WDSUB1: variants seen among roughly 807,000 people sequenced by gnomAD.
WDSUB1 encodes WD repeat, sterile alpha motif and U-box domain containing 1, also known as WD repeat, SAM and U-box domain-containing protein 1.
WDSUB1 carries 49 observed loss-of-function variants against 53.9 expected under a neutral mutation model. The observed-to-expected ratio is 0.91, with a 90% CI of 0.72 to 1.15. The LOEUF (loss-of-function observed/expected upper bound fraction) is 1.15. Among genes scored for constraint, WDSUB1 ranks in the 50% most tolerant of loss-of-function variants. WDSUB1 has a pLI of 0.00. For missense variants in WDSUB1, 514 were observed against 562.0 expected, an observed-to-expected ratio of 0.91 and a Z score of 0.86; for synonymous variants, 194 against 200.6, an observed-to-expected ratio of 0.97 and a Z score of 0.28.
At position 159,282,583 on chromosome 2, in the gene WDSUB1, G is replaced by A. The variant is rs2061689053; in HGVS notation, c.398+89C>T. 5.6e-6 allele frequency: 8 copies of A among 1,440,430 alleles called. No homozygotes were observed. In the East Asian group the frequency reaches 1.8e-4, roughly 33 times the overall value. The allele number at this position is 1,440,430 out of a possible 1,614,324, so 89.2% of individuals were successfully genotyped here. A position where few individuals can be genotyped will look rare whatever the true frequency, so the allele number is the denominator to read the frequency against. ...TCTTTTTTTCTACATCACTTAGACT[G>A]TGCAGAGTATCAAAATATTTTGCTT... On this transcript the variant is annotated intron_variant, in intron 2 of 10. Transcript: ENST00000359774.
At chr2:159,271,436 C>T (rs999715298) in intron 5 of WDSUB1, among the ~76,000 whole-genome samples, 74 of 152,146 alleles carry the variant, frequency 4.9e-4, no homozygotes, top group African/African-American at 1.7e-3. Context: ...ATGTTGGGTA[C>T]AGGAAGCCTG....
At chr2:159,280,749 T>C (rs114544022) in intron 2 of WDSUB1, among the ~76,000 whole-genome samples, 5,615 of 148,912 alleles carry the variant, frequency 0.038, 366 homozygotes, top group African/African-American at 0.13. Flanking sequence ...ATATAAATTA[T>C]TTATGAAAGG....
chr2:159,247,900 TATATATATAA>T (rs1241534274), intron 10 of WDSUB1, among the ~76,000 whole-genome samples: 1,502 of 21,366 alleles, frequency 0.07, 54 homozygotes, highest in Non-Finnish European at 0.12. Context: ...TATATATATA[TATATATATAA>T]ATATATATAT....
At chr2:159,247,944 A>AT (rs2060855086) in intron 10 of WDSUB1, among the ~76,000 whole-genome samples, 2 of 68,770 alleles carry the variant, frequency 2.9e-5, no homozygotes, top group Non-Finnish European at 4.5e-5. Flanking sequence ...TATATATATA[A>AT]AATTTGGATT....
chr2:159,264,242 A>G (rs919437592), intron 5 of WDSUB1, among the ~76,000 whole-genome samples: 2 of 152,246 alleles, frequency 1.3e-5, no homozygotes, highest in Non-Finnish European at 2.9e-5. Flanking sequence ...CTTTCAAGCA[A>G]TCTAGCATCT....
intron 5 of WDSUB1, among the ~76,000 whole-genome samples, chr2:159,271,277 C>T (rs2061439653): frequency 6.6e-6 from 1 of 151,908 alleles, no homozygotes; most frequent in African/African-American, 2.4e-5. Flanking sequence ...ATTGTAATGC[C>T]CTCAAACCAG....
chr2:159,242,506 CAAA>C (rs2060682194), intron 10 of WDSUB1, among the ~76,000 whole-genome samples: 1 of 146,788 alleles, frequency 6.8e-6, no homozygotes, highest in Non-Finnish European at 1.5e-5. Flanking sequence ...ACTAAAAATA[CAAA>C]AAATTAGCTG....
intron 10 of WDSUB1, among the ~76,000 whole-genome samples, chr2:159,241,102 A>AC (rs1325708663): frequency 6.6e-6 from 1 of 152,228 alleles, no homozygotes; most frequent in African/African-American, 2.4e-5. Flanking sequence ...GTATAACCCA[A>AC]CACGGTGAAG....
intron 10 of WDSUB1, among the ~76,000 whole-genome samples, chr2:159,239,586 T>A (rs1317436644): frequency 1.3e-5 from 2 of 148,356 alleles, no homozygotes; most frequent in African/African-American, 2.6e-5. Flanking sequence ...GTAATGGGAA[T>A]GCTTCCACTG....
intron 3 of WDSUB1, 24 bp downstream of exon 3, chr2:159,279,737 G>A (rs770649582): frequency 3.8e-6 from 6 of 1,583,758 alleles, no homozygotes; most frequent in Non-Finnish European, 5.2e-6. Context: ...AATTTCTAGT[G>A]CTTAAAAGAA....
At chr2:159,269,296 G>C (rs1484197621) in intron 5 of WDSUB1, among the ~76,000 whole-genome samples, 7 of 150,962 alleles carry the variant, frequency 4.6e-5, no homozygotes, top group Admixed American at 2.0e-4. Flanking sequence ...TCAGCCTCCT[G>C]AGTAGCTGGA....
chr2:159,242,136 T>C (rs909074452), intron 10 of WDSUB1, among the ~76,000 whole-genome samples: 1 of 146,862 alleles, frequency 6.8e-6, no homozygotes, highest in Non-Finnish European at 1.5e-5. Context: ...CTGCAAGCTC[T>C]GCCTCCTGGG....
chr2:159,265,703 T>C (rs1209371739), intron 5 of WDSUB1, among the ~76,000 whole-genome samples: 6 of 151,908 alleles, frequency 3.9e-5, no homozygotes, highest in African/African-American at 1.2e-4. Flanking sequence ...GGAGACCCTG[T>C]CCCAAAAAAA....
intron 9 of WDSUB1, 96 bp downstream of exon 9, chr2:159,256,100 G>T: frequency 1.7e-6 from 2 of 1,189,558 alleles, no homozygotes; most frequent in Non-Finnish European, 2.3e-6. Flanking sequence ...TGTAGTGCCA[G>T]AACATTAAGA....
intron 10 of WDSUB1, among the ~76,000 whole-genome samples, chr2:159,239,728 G>T (rs2060591871): frequency 6.6e-6 from 1 of 152,192 alleles, no homozygotes; most frequent in South Asian, 2.1e-4. Flanking sequence ...TTTAAGACCA[G>T]CCTGGGCGAC....
At position 159,248,364 on chromosome 2, in the gene WDSUB1, A is replaced by C. The variant is rs2060868140; in HGVS notation, c.1273+8T>G. On this transcript the variant is annotated splice_region_variant and intron_variant, in intron 10 of 10. Transcript: ENST00000359774. ...ATCCCCTGCAACTTAGTATAGCATC[A>C]CACATACCTGATGCGATGACCGGAT... 1 of 1,610,976 alleles carries C rather than the reference A, an allele frequency of 6.2e-7. No homozygotes were observed. The highest frequency in any genetic ancestry group is 1.7e-5 in the Admixed American group (1 of 59,504).
chr2:159,252,947 T>C (rs4665050), intron 9 of WDSUB1, among the ~76,000 whole-genome samples: 54,924 of 152,108 alleles, frequency 0.36, 12,636 homozygotes, highest in Non-Finnish European at 0.54. Context: ...CAACATGATA[T>C]ACAATAGTTC....
At chr2:159,276,661 G>A (rs897757239) in intron 3 of WDSUB1, among the ~76,000 whole-genome samples, 1 of 152,134 alleles carries the variant, frequency 6.6e-6, no homozygotes, top group African/African-American at 2.4e-5. Flanking sequence ...TTTTATACAA[G>A]TTGCACCTAA....
Position 159,279,829 on chromosome 2 carries a change from C to G in WDSUB1, c.515G>C (p.Cys172Ser). 2 of 1,612,652 alleles carry G rather than the reference C, an allele frequency of 1.2e-6. No individual in the cohort carries two copies. The highest frequency in any genetic ancestry group is 1.7e-6 in the Non-Finnish European group (2 of 1,179,018). ...DLTVWDDKMRCLHSEKAHDLG... is the reference protein window; with the variant it reads ...DLTVWDDKMRSLHSEKAHDLG... ...ATCATGTGCTTTTTCACTATGCAGA[C>G]ACCTCATTTTATCATCCCACACTGT... The change falls in exon 3 of 11, where the codon TGT becomes TCT. Residue 172 changes from cysteine to serine, a missense_variant. Cys to Ser is a moderately radical substitution (Grantham distance 112, BLOSUM62 -1). Coordinates refer to ENST00000359774, the MANE Select transcript of WDSUB1 (RefSeq NM_001128212.3).
Sources: allele counts gnomAD v4.1 joint callset (sites outside exome capture counted in the v4.1 genomes callset), GRCh38; gene constraint gnomAD v4.1.1; transcripts MANE v1.5; gene names NCBI Gene and HGNC (gene_info 2026-07-23, HGNC 2026-07-21).